The following NAAA variants were observed in gnomAD, a reference collection of about 807,000 sequenced individuals.
NAAA encodes N-acylethanolamine acid amidase.
A neutral mutation model predicts 44.8 loss-of-function variants in NAAA; 39 were observed. The observed-to-expected ratio is 0.87, with a 90% CI of 0.67 to 1.14. The LOEUF is 1.14. NAAA is among the 50% of genes most tolerant of loss of function. NAAA has a pLI of 0.00. For missense variants in NAAA, 460 were observed against 467.8 expected, an observed-to-expected ratio of 0.98 and a Z score of 0.15; for synonymous variants, 178 against 191.3, an observed-to-expected ratio of 0.93 and a Z score of 0.58.
Position 75,940,164 on chromosome 4 carries a change from C to A in NAAA, c.208G>T (p.Asp70Tyr), listed in dbSNP as rs762443154. ...ACGTGCACCCACTTGGGGACTCTGT[C>A]CCTAGAAACAAAAAGCACAAGGGCG... is the stretch of plus-strand genomic sequence containing the variant. ...VRAAMAQVIG[D>Y]RVPKWVHVLI... The change falls in exon 2 of 11, where the codon GAC becomes TAC. Residue 70 changes from aspartate to tyrosine, a missense_variant and splice_region_variant. Physicochemically the swap from Asp to Tyr is radical, Grantham distance 160. Transcript: ENST00000286733. 1 of 1,612,282 alleles carries A rather than the reference C, an allele frequency of 6.2e-7. No homozygotes were observed. The highest frequency in any genetic ancestry group is 8.5e-7 in the Non-Finnish European group (1 of 1,178,886).
chr4:75,940,966 G>T lies in NAAA; in HGVS notation c.-17C>A. 1 of 1,462,628 alleles carries T rather than the reference G, an allele frequency of 6.8e-7. No homozygotes were observed. The highest frequency in any genetic ancestry group is 2.8e-5 in the East Asian group (1 of 35,370). 90.6% of individuals were successfully genotyped at this position (1,462,628 alleles called of 1,614,324 possible). On this transcript the variant is annotated 5_prime_UTR_variant, in exon 1 of 11. Transcript: ENST00000286733. ...GGTCCGCATGGCTCGGGCTCCAGCGGCCGCAACTTGGAGACCTGCAGCCGC... is the reference window on the plus strand; with the variant it reads ...GGTCCGCATGGCTCGGGCTCCAGCGTCCGCAACTTGGAGACCTGCAGCCGC...
chr4:75,912,000 C>T (rs938317140), downstream of NAAA, among the ~76,000 whole-genome samples: 1 of 152,162 alleles, frequency 6.6e-6, no homozygotes. Context: ...CAAGGACAGC[C>T]AGCCTGTGAG....
Position 75,915,395 on chromosome 4 carries a change from C to A in NAAA, c.999-410G>T, listed in dbSNP as rs147439630. 1.5e-4 allele frequency among the ~76,000 whole-genome samples: 23 copies of A among 152,226 alleles called. No homozygotes were observed. In the East Asian group the frequency reaches 4.4e-3, roughly 29 times the overall value. The stretch of plus-strand genomic sequence containing the variant: ...TCTCAAGACTCCTCAGAGCTCTACC[C>A]CAAGGCAGTGGGGGAGACCAAGCCT... On this transcript the variant is annotated intron_variant, in intron 9 of 10. Coordinates refer to ENST00000286733, the MANE Select transcript of NAAA (RefSeq NM_014435.4).
Position 75,940,969 on chromosome 4 carries a change from G to C in NAAA, c.-20C>G, listed in dbSNP as rs898509532. ...CCGCATGGCTCGGGCTCCAGCGGCC[G>C]CAACTTGGAGACCTGCAGCCGCTGT... On this transcript the variant is annotated 5_prime_UTR_variant, in exon 1 of 11. Coordinates refer to ENST00000286733, the MANE Select transcript of NAAA (RefSeq NM_014435.4). The C allele has an allele frequency of 6.2e-6, 9 of 1,458,470 alleles. No homozygotes were observed. The highest frequency in any genetic ancestry group is 8.1e-6 in the Non-Finnish European group (9 of 1,115,660). 90.3% of individuals were successfully genotyped at this position (1,458,470 alleles called of 1,614,324 possible). A position where few individuals can be genotyped will look rare whatever the true frequency, so the allele number is the denominator to read the frequency against.
downstream of NAAA, among the ~76,000 whole-genome samples, chr4:75,913,205 T>A (rs1725400831): frequency 6.6e-6 from 1 of 152,108 alleles, no homozygotes; most frequent in African/African-American, 2.4e-5. Flanking sequence ...ATGTGCTAAA[T>A]GTAGATTCAC....
chr4:75,932,085 C>T (rs375173449), intron 3 of NAAA, among the ~76,000 whole-genome samples: 1 of 152,008 alleles, frequency 6.6e-6, no homozygotes, highest in Non-Finnish European at 1.5e-5. Flanking sequence ...CAAAATTAGC[C>T]GGGCGTGGTG....
At chr4:75,925,485 G>A (rs1726592385) in intron 5 of NAAA, among the ~76,000 whole-genome samples, 1 of 152,164 alleles carries the variant, frequency 6.6e-6, no homozygotes, top group Admixed American at 6.5e-5. Flanking sequence ...AACCGAAGTT[G>A]AGCTCAGTTC....
intron 4 of NAAA, among the ~76,000 whole-genome samples, chr4:75,928,091 T>C (rs961862273): frequency 6.6e-6 from 1 of 151,980 alleles, no homozygotes; most frequent in Non-Finnish European, 1.5e-5. Context: ...CACCAGACCT[T>C]ATTCCTCCTG....
chr4:75,940,204 A>C (rs758608938), intron 1 of NAAA, 39 bp from the exon 2 acceptor site: 1 of 1,592,880 alleles, frequency 6.3e-7, no homozygotes, highest in Admixed American at 1.7e-5. Flanking sequence ...ACCCGCTCAG[A>C]GGTCGGCGGC....
Position 75,914,010 on chromosome 4 carries a change from G to A in NAAA, c.*365C>T, listed in dbSNP as rs1210849661. Reference sequence around the variant, plus strand: ...GGTCTTGCCAGCTCATTTCATTAGCGGAGAAGCAAAGGTATGATGGCAGAA... The same window carrying A: ...GGTCTTGCCAGCTCATTTCATTAGCAGAGAAGCAAAGGTATGATGGCAGAA... On this transcript the variant is annotated 3_prime_UTR_variant, in exon 11 of 11. Coordinates refer to ENST00000286733, the MANE Select transcript of NAAA (RefSeq NM_014435.4). 3 of 985,234 alleles carry A rather than the reference G, an allele frequency of 3.0e-6. No homozygotes were observed. The highest frequency in any genetic ancestry group is 6.2e-5 in the Admixed American group (1 of 16,256). The allele number at this position is 985,234 out of a possible 1,614,324, so 61.0% of individuals were successfully genotyped here.
Position 75,920,747 on chromosome 4 carries a change from T to C in NAAA, c.893A>G (p.Asp298Gly). 2 of 1,614,242 alleles carry C rather than the reference T, an allele frequency of 1.2e-6. No homozygotes were observed. The highest frequency in any genetic ancestry group is 1.7e-6 in the Non-Finnish European group (2 of 1,180,042). The part of the protein sequence containing the change: ...YDHWKPAPKE[D>G]DRRTSAIKAL... ...GCACGTAGCAGCCTACCTCCGGTCA[T>C]CTTCCTTGGGTGCTGGCTTCCAGTG... The change falls in exon 7 of 11, where the codon GAT becomes GGT. Residue 298 changes from aspartate (D) to glycine (G), a missense_variant. By Grantham distance (94) the Asp-to-Gly change is moderately conservative. Coordinates refer to ENST00000286733, the MANE Select transcript of NAAA (RefSeq NM_014435.4).
intron 4 of NAAA, among the ~76,000 whole-genome samples, chr4:75,928,116 T>G (rs1726902193): frequency 6.6e-6 from 1 of 152,246 alleles, no homozygotes; most frequent in Non-Finnish European, 1.5e-5. Context: ...ATTGAAACTT[T>G]GTACCCTTTG....
intron 9 of NAAA, chr4:75,917,744 G>A: frequency 2.5e-6 from 1 of 403,300 alleles, no homozygotes; most frequent in Admixed American, 3.1e-5. Context: ...GGGATTACAG[G>A]CGTGAGCCAC....
At position 75,936,100 on chromosome 4, in the gene NAAA, G is replaced by A. The variant is rs200802872; in HGVS notation, c.498+9C>T. On this transcript the variant is annotated intron_variant, in intron 3 of 10. Coordinates refer to ENST00000286733, the MANE Select transcript of NAAA (RefSeq NM_014435.4). Reference sequence around the variant, plus strand: ...TCTGATTTTTTATCTTATATGGTACGGATTATACCTGCCCATTCTTTAAGA... The same window carrying A: ...TCTGATTTTTTATCTTATATGGTACAGATTATACCTGCCCATTCTTTAAGA... 5.3e-5 allele frequency: 85 copies of A among 1,613,626 alleles called. 1 individual carries two copies. In the East Asian group the frequency reaches 5.8e-4, roughly 11 times the overall value.
intron 10 of NAAA, 30 bp downstream of exon 10, chr4:75,914,837 AC>A: frequency 1.3e-6 from 2 of 1,523,922 alleles, no homozygotes; most frequent in South Asian, 1.1e-5. Context: ...CACCCACCTC[AC>A]CCCCTCTCCA....
intron 5 of NAAA, among the ~76,000 whole-genome samples, chr4:75,923,608 C>T (rs998697064): frequency 4.7e-5 from 7 of 148,710 alleles, no homozygotes; most frequent in South Asian, 4.3e-4. Context: ...GGTGTGATCT[C>T]GGCTCACTGC....
chr4:75,932,938 C>G (rs1727367817), intron 3 of NAAA, among the ~76,000 whole-genome samples: 1 of 152,038 alleles, frequency 6.6e-6, no homozygotes, highest in South Asian at 2.1e-4. Context: ...AATTTAAGAC[C>G]AGCCTGGCCA....
Position 75,940,022 on chromosome 4 carries a change from T to G in NAAA, c.350A>C (p.Asn117Thr), listed in dbSNP as rs746868939. The change falls in exon 2 of 11, where the codon AAC (asparagine) becomes ACC (threonine). Residue 117 changes from asparagine to threonine, a missense_variant. By Grantham distance (65) the Asn-to-Thr change is moderately conservative (BLOSUM62 0). Transcript: ENST00000286733. The stretch of plus-strand genomic sequence containing the variant: ...TCACACGGAGGACTCGTAGGCCAGG[T>G]TGACCAGAAGGCAGTCCGCCAGGCT... Reference protein sequence around the residue: ...NLSLADCLLVNLAYESSVFCT... With the variant: ...NLSLADCLLVTLAYESSVFCT... 4.3e-6 allele frequency: 7 copies of G among 1,613,804 alleles called. No individual in the cohort carries two copies. The highest frequency in any genetic ancestry group is 3.4e-6 in the Non-Finnish European group (4 of 1,180,032).
intron 5 of NAAA, among the ~76,000 whole-genome samples, 172 bp from the exon 6 acceptor site, chr4:75,921,295 T>A (rs1054910315): frequency 1.3e-5 from 2 of 152,240 alleles, no homozygotes; most frequent in Non-Finnish European, 2.9e-5. Flanking sequence ...GGAAGAAATT[T>A]CAGCTTCAAA....
Sources: allele counts gnomAD v4.1 joint callset (sites outside exome capture counted in the v4.1 genomes callset), GRCh38; gene constraint gnomAD v4.1.1; transcripts MANE v1.5; gene names NCBI Gene and HGNC (gene_info 2026-07-23, HGNC 2026-07-21).